ECI2: variants seen among roughly 807,000 people sequenced by gnomAD.
ECI2 encodes the protein D3,D2-enoyl-CoA isomerase.
In ECI2, 27 loss-of-function variants were observed where a neutral mutation model predicts 38.4. That is an observed-to-expected ratio of 0.70 (90% CI 0.52 to 0.97). The LOEUF (loss-of-function observed/expected upper bound fraction) is 0.97. ECI2 is among the 50% of genes least tolerant of loss of function. The pLI is 0.00. For synonymous variants in ECI2, 168 were observed against 172.0 expected, an observed-to-expected ratio of 0.98 and a Z score of 0.18; for missense variants, 470 against 474.4, an observed-to-expected ratio of 0.99 and a Z score of 0.09.
intron 2 of ECI2, among the ~76,000 whole-genome samples, chr6:4,132,852 C>T (rs777036372): frequency 1.3e-5 from 2 of 152,242 alleles, no homozygotes; most frequent in East Asian, 1.9e-4. Flanking sequence ...GCAACCTGCA[C>T]CTCACAGGTT....
In ECI2 at chr6:4,126,351, T is replaced by C. The variant is rs1446291790; in HGVS notation, c.572-114A>G. ...GGGAAATACATTGGAGAACGAGCAA[T>C]GGTTCCTGCCCTAACTTACAAACTA... On this transcript the variant is annotated intron_variant, in intron 5 of 9. Transcript: ENST00000380118. 5.9e-6 allele frequency: 5 copies of C among 843,212 alleles called. No homozygotes were observed. In the Admixed American group the frequency reaches 7.6e-5, roughly 13 times the overall value. 52.2% of individuals were successfully genotyped at this position (843,212 alleles called of 1,614,324 possible). A position where few individuals can be genotyped will look rare whatever the true frequency, so the allele number is the denominator to read the frequency against.
Position 4,130,395 on chromosome 6 carries a change from T to G in ECI2, c.478A>C (p.Lys160Gln). ...ACCTCAGTGTTTATGGCATTTTTCT[T>G]TTTGGGCCGGTTGAACATGATCTTT... ...ITKIMFNRPK[K>Q]KNAINTEMYH... Residue 160 changes from lysine to glutamine, a missense_variant, in exon 4 of 10, where the codon AAG (lysine) becomes CAG (glutamine). By Grantham distance (53) the Lys-to-Gln change is moderately conservative (BLOSUM62 1). Coordinates refer to ENST00000380118, the MANE Select transcript of ECI2 (RefSeq NM_206836.3). 1 of 1,614,212 alleles carries G rather than the reference T, an allele frequency of 6.2e-7. No individual in the cohort carries two copies. Among genetic ancestry groups the G allele is most frequent in the Non-Finnish European group, 8.5e-7 (1 of 1,180,038 alleles).
At chr6:4,130,336 TAAAACAGGA>T (rs1405290146) in intron 4 of ECI2, 27 bp downstream of exon 4, 1 of 1,614,094 alleles carries the variant, frequency 6.2e-7, no homozygotes, top group Non-Finnish European at 8.5e-7. Context: ...AAGAAGAAAG[TAAAACAGGA>T]CAAACTCCGT....
intron 3 of ECI2, 103 bp from the exon 4 acceptor site, chr6:4,130,663 G>A: frequency 6.2e-7 from 1 of 1,602,496 alleles, no homozygotes; most frequent in Non-Finnish European, 8.5e-7. Context: ...AGAAAGAATA[G>A]AAGCACATCA....
chr6:4,133,620 T>G lies in ECI2; in HGVS notation c.142A>C (p.Asn48His). The stretch of plus-strand genomic sequence containing the variant: ...TCCTTTTTCAAGAGTTTCACTTGAT[T>G]CATTGAATTTTCAAAGTCCTTCTGA... ...ASQKDFENSM[N>H]QVKLLKKDPG... is the part of the protein sequence containing the mutation. Residue 48 changes from asparagine to histidine, a missense_variant, in exon 2 of 10, where the codon AAT becomes CAT. Physicochemically the swap from Asn to His is moderately conservative, Grantham distance 68. Transcript: ENST00000380118. 6.2e-7 allele frequency: 1 copy of G among 1,614,060 alleles called. No individual in the cohort carries two copies. Among genetic ancestry groups the G allele is most frequent in the Non-Finnish European group, 8.5e-7 (1 of 1,179,976 alleles).
Position 4,115,934 on chromosome 6 carries a change from C to G in ECI2, c.1125G>C (p.Trp375Cys), listed in dbSNP as rs931518323. 4 of 1,614,190 alleles carry G rather than the reference C, an allele frequency of 2.5e-6. No individual in the cohort carries two copies. Among genetic ancestry groups the G allele is most frequent in the Non-Finnish European group, 3.4e-6 (4 of 1,180,026 alleles). The stretch of plus-strand genomic sequence containing the variant: ...CAGCATTTGTGCATTCATCTGATAG[C>G]CATCTTCCCTGAAGGACATTGCATT... Reference protein sequence around the residue: ...AEECNVLQGRWLSDECTNAVV... With the variant: ...AEECNVLQGRCLSDECTNAVV... The change falls in exon 10 of 10, where the codon TGG becomes TGC. Residue 375 changes from tryptophan to cysteine, a missense_variant. Trp to Cys is a radical substitution (Grantham distance 215). Coordinates refer to ENST00000380118, the MANE Select transcript of ECI2 (RefSeq NM_206836.3).
chr6:4,124,279 G>C (rs1772998836), intron 7 of ECI2, among the ~76,000 whole-genome samples: 1 of 152,208 alleles, frequency 6.6e-6, no homozygotes, highest in Non-Finnish European at 1.5e-5. Flanking sequence ...AATTAGGTCT[G>C]TCAATACATC....
chr6:4,134,197 G>A (rs546222479), intron 1 of ECI2, among the ~76,000 whole-genome samples: 1 of 152,354 alleles, frequency 6.6e-6, no homozygotes, highest in South Asian at 2.1e-4. Context: ...ATACACACAG[G>A]TGGAAGGAGG....
intron 6 of ECI2, chr6:4,125,585 A>G (rs1581981538): frequency 1.6e-6 from 1 of 622,532 alleles, no homozygotes; most frequent in South Asian, 2.0e-5. Flanking sequence ...AAGACCAACC[A>G]GTGAGACCTA....
intron 1 of ECI2, among the ~76,000 whole-genome samples, chr6:4,133,960 G>A (rs1773611880): frequency 6.6e-6 from 1 of 152,234 alleles, no homozygotes. Context: ...GTATCTGTAA[G>A]CAACTAAAGA....
chr6:4,125,426 A>T (rs751307625), intron 6 of ECI2, 56 bp from the exon 7 acceptor site: 3 of 1,607,100 alleles, frequency 1.9e-6, no homozygotes, highest in Non-Finnish European at 8.5e-7. Flanking sequence ...TGACTAAAGC[A>T]TGGGCAAGAC....
intron 7 of ECI2, among the ~76,000 whole-genome samples, chr6:4,123,186 TA>T (rs1420317546): frequency 1.3e-5 from 2 of 152,076 alleles, no homozygotes; most frequent in Admixed American, 6.6e-5. Context: ...TTTACTTATA[TA>T]TTTTTTTGAG....
rs146430940 is a variant in ECI2 at position 4,125,536 on chromosome 6, A to G, written c.675-166T>C. On this transcript the variant is annotated intron_variant, in intron 6 of 9. Coordinates refer to ENST00000380118, the MANE Select transcript of ECI2 (RefSeq NM_206836.3). The stretch of plus-strand genomic sequence containing the variant: ...TGCCACTTCCCTGGTCTTCCGCACC[A>G]GATTCATCCAGGGCATCCGTCTGAA... 1,040 of 954,850 alleles carry G rather than the reference A, an allele frequency of 1.1e-3. 9 individuals are homozygous for G. In the African/African-American group the frequency reaches 0.016, roughly 15 times the overall value. 59.1% of individuals were successfully genotyped at this position (954,850 alleles called of 1,614,324 possible). A position where few individuals can be genotyped will look rare whatever the true frequency, so the allele number is the denominator to read the frequency against.
intron 7 of ECI2, chr6:4,121,992 A>G: frequency 6.2e-7 from 1 of 1,608,292 alleles, no homozygotes; most frequent in African/African-American, 1.3e-5. Context: ...CAGCCTAAGG[A>G]ATACAAGCAG....
intron 8 of ECI2, chr6:4,118,243 G>C (rs532797574): frequency 1.3e-5 from 2 of 152,392 alleles, no homozygotes; most frequent in East Asian, 3.9e-4. Flanking sequence ...TGTTGGCCCG[G>C]CTGGTCTTGA....
At chr6:4,122,306 C>T (rs368408375) in intron 7 of ECI2, among the ~76,000 whole-genome samples, 13 of 151,920 alleles carry the variant, frequency 8.6e-5, no homozygotes, top group Admixed American at 3.3e-4. Context: ...CTGCAACCTC[C>T]GCCTCCCGGG....
chr6:4,128,742 C>T (rs1255244996), intron 4 of ECI2, among the ~76,000 whole-genome samples: 1 of 152,084 alleles, frequency 6.6e-6, no homozygotes, highest in Non-Finnish European at 1.5e-5. Context: ...ACATTGTATT[C>T]AGTATTATAA....
At chr6:4,120,592 T>C (rs538633547) in intron 7 of ECI2, among the ~76,000 whole-genome samples, 2 of 151,992 alleles carry the variant, frequency 1.3e-5, no homozygotes, top group South Asian at 4.2e-4. Flanking sequence ...CCTGGTGTGG[T>C]GGTGTGCACC....
intron 5 of ECI2, among the ~76,000 whole-genome samples, chr6:4,127,543 T>C (rs1334518635): frequency 6.6e-6 from 1 of 151,512 alleles, no homozygotes; most frequent in Non-Finnish European, 1.5e-5. Flanking sequence ...GCCTCCTGAG[T>C]AGCTGGGATT....
Sources: allele counts gnomAD v4.1 joint callset (sites outside exome capture counted in the v4.1 genomes callset), GRCh38; gene constraint gnomAD v4.1.1; transcripts MANE v1.5; gene names NCBI Gene and HGNC (gene_info 2026-07-23, HGNC 2026-07-21).